SDK1: variants seen among roughly 807,000 people sequenced by gnomAD.
The protein encoded by SDK1 is protein sidekick-1.
In SDK1, 157 loss-of-function variants were observed where a neutral mutation model predicts 245.5. The observed-to-expected ratio is 0.64, with a 90% CI of 0.56 to 0.73. The LOEUF is 0.73. Ranked by LOEUF, SDK1 falls within the 30% of genes least tolerant of loss-of-function variation. The pLI, the probability that SDK1 is intolerant of heterozygous loss-of-function variation, is 0.00. For synonymous variants in SDK1, 1,647 were observed against 1,278.5 expected, an observed-to-expected ratio of 1.29 and a Z score of -6.15; for missense variants, 3,583 against 3,002.3, an observed-to-expected ratio of 1.19 and a Z score of -4.52.
At chr7:3,763,216 CTT>C (rs1352218741) in intron 4 of SDK1, among the ~76,000 whole-genome samples, 11 of 152,200 alleles carry the variant, frequency 7.2e-5, no homozygotes, top group Middle Eastern at 6.8e-3. Flanking sequence ...TAAGCATAGT[CTT>C]ATTTTTTCTA....
chr7:3,948,071 C>G (rs1029070486), intron 5 of SDK1, among the ~76,000 whole-genome samples: 1 of 152,116 alleles, frequency 6.6e-6, no homozygotes, highest in Non-Finnish European at 1.5e-5. Flanking sequence ...TGAGCACTAT[C>G]CTTGCTATTG....
intron 1 of SDK1, among the ~76,000 whole-genome samples, chr7:3,372,480 GA>G (rs1781252114): frequency 6.6e-6 from 1 of 152,200 alleles, no homozygotes; most frequent in African/African-American, 2.4e-5. Context: ...CTGTGCTTCA[GA>G]ACACGCCCTA....
chr7:3,522,297 A>G (rs1782965585), intron 1 of SDK1, among the ~76,000 whole-genome samples: 1 of 152,150 alleles, frequency 6.6e-6, no homozygotes, highest in African/African-American at 2.4e-5. Context: ...GAATATAGAG[A>G]GAGCTAAAAA....
intron 16 of SDK1, among the ~76,000 whole-genome samples, chr7:4,014,300 G>C (rs559971560): frequency 4.5e-4 from 69 of 152,212 alleles, no homozygotes; most frequent in Non-Finnish European, 9.1e-4. Flanking sequence ...GATTACTACT[G>C]TTAAAAGGAT....
At chr7:3,884,325 GC>G (rs1488714734) in intron 5 of SDK1, among the ~76,000 whole-genome samples, 1 of 152,134 alleles carries the variant, frequency 6.6e-6, no homozygotes, top group Non-Finnish European at 1.5e-5. Context: ...AGGGCCTCTT[GC>G]GTTTGAAAGC....
Position 3,962,642 on chromosome 7 carries a change from C to T in SDK1, c.1235-15C>T. Reference sequence around the variant, plus strand: ...AATTATTTTTAAAATCCTATTTATTCCCATTCCTACGCAGGGGTCCCCCTT... The same window carrying T: ...AATTATTTTTAAAATCCTATTTATTTCCATTCCTACGCAGGGGTCCCCCTT... On this transcript the variant is annotated splice_polypyrimidine_tract_variant and intron_variant, in intron 8 of 44. Coordinates refer to ENST00000404826, the MANE Select transcript of SDK1 (RefSeq NM_152744.4). The T allele has an allele frequency of 1.3e-6, 2 of 1,582,814 alleles. No individual in the cohort carries two copies. Among genetic ancestry groups the T allele is most frequent in the South Asian group, 1.1e-5 (1 of 88,134 alleles).
intron 22 of SDK1, among the ~76,000 whole-genome samples, chr7:4,092,189 G>A (rs1781851003): frequency 6.6e-6 from 1 of 152,204 alleles, no homozygotes; most frequent in Non-Finnish European, 1.5e-5. Context: ...AGAACATGGT[G>A]TTACATTGAC....
At chr7:3,493,203 G>C (rs1423155884) in intron 1 of SDK1, among the ~76,000 whole-genome samples, 1 of 152,002 alleles carries the variant, frequency 6.6e-6, no homozygotes, top group East Asian at 1.9e-4. Context: ...CTCACACCTC[G>C]GCCTCCCAAA....
At chr7:3,697,495 C>A (rs759217149) in intron 4 of SDK1, among the ~76,000 whole-genome samples, 4 of 152,284 alleles carry the variant, frequency 2.6e-5, no homozygotes, top group African/African-American at 9.6e-5. Flanking sequence ...AAAAGGTTTC[C>A]TGTTTGTTGC....
At chr7:3,457,647 C>T (rs911664640) in intron 1 of SDK1, among the ~76,000 whole-genome samples, 2 of 152,188 alleles carry the variant, frequency 1.3e-5, no homozygotes, top group African/African-American at 4.8e-5. Context: ...TATGGCCAAA[C>T]TTGTTGACTG....
chr7:3,433,467 T>A (rs547339647), intron 1 of SDK1, among the ~76,000 whole-genome samples: 3 of 152,232 alleles, frequency 2.0e-5, no homozygotes, highest in Non-Finnish European at 4.4e-5. Flanking sequence ...TTATTGTATT[T>A]GGTTGGTAAA....
chr7:3,303,057 C>T (rs960150058), intron 1 of SDK1, among the ~76,000 whole-genome samples: 2 of 152,008 alleles, frequency 1.3e-5, no homozygotes, highest in South Asian at 2.1e-4. Flanking sequence ...TAAATTGTGC[C>T]CCTCCACCCC....
At chr7:3,318,692 C>G (rs1779722740) in intron 1 of SDK1, among the ~76,000 whole-genome samples, 1 of 152,150 alleles carries the variant, frequency 6.6e-6, no homozygotes, top group Non-Finnish European at 1.5e-5. Context: ...ATTTCTTTTA[C>G]TTTTTGAGTT....
intron 1 of SDK1, among the ~76,000 whole-genome samples, chr7:3,584,922 C>T (rs534073610): frequency 1.2e-3 from 181 of 152,140 alleles, no homozygotes; most frequent in Middle Eastern, 6.8e-3. Flanking sequence ...GACGGAGTTT[C>T]ACCGTGTTAG....
chr7:3,616,679 C>G (rs1390809340), intron 1 of SDK1, among the ~76,000 whole-genome samples: 1 of 152,092 alleles, frequency 6.6e-6, no homozygotes, highest in Non-Finnish European at 1.5e-5. Flanking sequence ...TATTGTATTA[C>G]TAATATACCA....
intron 36 of SDK1, among the ~76,000 whole-genome samples, chr7:4,207,074 A>G (rs532960421): frequency 6.6e-6 from 1 of 152,344 alleles, no homozygotes; most frequent in East Asian, 1.9e-4. Context: ...GGGCGAGCGG[A>G]AGATCTTAGA....
intron 19 of SDK1, among the ~76,000 whole-genome samples, chr7:4,056,803 C>T (rs1010694803): frequency 1.3e-5 from 2 of 152,162 alleles, no homozygotes; most frequent in Non-Finnish European, 2.9e-5. Flanking sequence ...GAACATTCCG[C>T]CGTGGGTCCC....
chr7:3,638,274 C>A (rs1250696209), intron 2 of SDK1, among the ~76,000 whole-genome samples: 1 of 152,046 alleles, frequency 6.6e-6, no homozygotes, highest in Non-Finnish European at 1.5e-5. Context: ...CCCAGCCATC[C>A]CATTACTGGG....
At chr7:4,186,931 G>A (rs1475838468) in intron 35 of SDK1, among the ~76,000 whole-genome samples, 1 of 152,150 alleles carries the variant, frequency 6.6e-6, no homozygotes, top group Non-Finnish European at 1.5e-5. Flanking sequence ...GCCAGACCTG[G>A]GATTGCCACC....
Sources: allele counts gnomAD v4.1 joint callset (sites outside exome capture counted in the v4.1 genomes callset), GRCh38; gene constraint gnomAD v4.1.1; transcripts MANE v1.5; gene names NCBI Gene and HGNC (gene_info 2026-07-23, HGNC 2026-07-21).